The following NRG3 variants were observed in gnomAD, a reference collection of about 807,000 sequenced individuals.
NRG3 encodes neuregulin 3.
A neutral mutation model predicts 66.9 loss-of-function variants in NRG3; 31 were observed. The ratio of observed to expected loss-of-function variants is 0.46; its 90% confidence interval spans 0.35 to 0.63. The LOEUF (loss-of-function observed/expected upper bound fraction) is 0.63, where lower values mean the gene tolerates loss of function less well. Among genes scored for constraint, NRG3 ranks in the 20% least tolerant of loss-of-function variants. NRG3 has a pLI of 0.00. For synonymous variants in NRG3, 393 were observed against 359.4 expected (o/e 1.09, Z -1.06); for missense variants, 910 against 878.9 (o/e 1.04, Z -0.45).
intron 1 of NRG3, among the ~76,000 whole-genome samples, chr10:82,180,102 T>C (rs958006251): frequency 5.3e-5 from 8 of 151,950 alleles, no homozygotes; most frequent in African/African-American, 1.9e-4. Context: ...CTACAACTTT[T>C]GTTGAATTTA....
chr10:82,808,488 A>G (rs781188192), intron 3 of NRG3, among the ~76,000 whole-genome samples: 13 of 152,050 alleles, frequency 8.5e-5, no homozygotes, highest in Non-Finnish European at 1.6e-4. Context: ...TTTTTCTTTT[A>G]ATTTTGAGAT....
intron 2 of NRG3, among the ~76,000 whole-genome samples, chr10:82,498,690 C>G (rs990530610): frequency 6.6e-6 from 1 of 152,128 alleles, no homozygotes; most frequent in African/African-American, 2.4e-5. Context: ...GAGTCACTCC[C>G]AACCGTTGGC....
chr10:82,226,635 A>G (rs1277454570), intron 1 of NRG3, among the ~76,000 whole-genome samples: 1 of 152,136 alleles, frequency 6.6e-6, no homozygotes, highest in Non-Finnish European at 1.5e-5. Flanking sequence ...GGTTCTTAAC[A>G]CACTTCAGGC....
chr10:82,883,592 C>G (rs1842477898), intron 4 of NRG3, among the ~76,000 whole-genome samples: 1 of 152,102 alleles, frequency 6.6e-6, no homozygotes, highest in Non-Finnish European at 1.5e-5. Context: ...TATATTTGTT[C>G]TCTAATCTGC....
At chr10:82,495,949 T>A (rs1283980490) in intron 2 of NRG3, among the ~76,000 whole-genome samples, 1 of 152,138 alleles carries the variant, frequency 6.6e-6, no homozygotes, top group African/African-American at 2.4e-5. Flanking sequence ...TTTTGAAGGC[T>A]CCAGAGGACA....
intron 1 of NRG3, among the ~76,000 whole-genome samples, chr10:82,223,775 T>C (rs759074147): frequency 1.6e-4 from 24 of 152,022 alleles, no homozygotes; most frequent in Non-Finnish European, 3.4e-4. Context: ...CCTAATTTCT[T>C]GGTATTCTTT....
At chr10:82,977,931 A>G (rs538998136) in intron 7 of NRG3, among the ~76,000 whole-genome samples, 2 of 152,336 alleles carry the variant, frequency 1.3e-5, no homozygotes, top group East Asian at 3.9e-4. Context: ...TAGAACCTTG[A>G]TAAATTTATT....
chr10:82,921,922 G>A (rs1846455508), intron 4 of NRG3, among the ~76,000 whole-genome samples: 1 of 152,080 alleles, frequency 6.6e-6, no homozygotes, highest in African/African-American at 2.4e-5. Flanking sequence ...CTGGAAAGTA[G>A]CAACTGTTTT....
chr10:82,059,745 G>A (rs2064035979), intron 1 of NRG3, among the ~76,000 whole-genome samples: 1 of 152,118 alleles, frequency 6.6e-6, no homozygotes, highest in Non-Finnish European at 1.5e-5. Flanking sequence ...TGGATTCTTC[G>A]CTTTCCATAC....
intron 2 of NRG3, among the ~76,000 whole-genome samples, chr10:82,662,982 C>T (rs1450614624): frequency 1.3e-5 from 2 of 152,162 alleles, no homozygotes; most frequent in Non-Finnish European, 2.9e-5. Flanking sequence ...GTAAAAAGAG[C>T]CTTTCTTGAA....
chr10:82,558,405 T>A (rs2044792438), intron 2 of NRG3, among the ~76,000 whole-genome samples: 1 of 152,128 alleles, frequency 6.6e-6, no homozygotes, highest in South Asian at 2.1e-4. Flanking sequence ...CCCTAAGCCA[T>A]GACTCAGCTT....
chr10:81,938,775 G>A (rs1041897983), intron 1 of NRG3, among the ~76,000 whole-genome samples: 1 of 151,920 alleles, frequency 6.6e-6, no homozygotes, highest in Non-Finnish European at 1.5e-5. Flanking sequence ...AATTGCTCTG[G>A]TTAGGACTTC....
At chr10:82,234,152 G>A (rs1304848629) in intron 1 of NRG3, among the ~76,000 whole-genome samples, 1 of 152,048 alleles carries the variant, frequency 6.6e-6, no homozygotes, top group African/African-American at 2.4e-5. Context: ...TGCCTTCCTA[G>A]CATAACCTGT....
chr10:82,439,829 C>A (rs1259462226), intron 2 of NRG3, among the ~76,000 whole-genome samples: 1 of 151,720 alleles, frequency 6.6e-6, no homozygotes, highest in East Asian at 1.9e-4. Flanking sequence ...ATTTTATATC[C>A]ATGTATAAAA....
chr10:82,290,425 A>G (rs1466401604), intron 1 of NRG3, among the ~76,000 whole-genome samples: 1 of 152,176 alleles, frequency 6.6e-6, no homozygotes, highest in African/African-American at 2.4e-5. Flanking sequence ...ATATCTATTT[A>G]TACTGCGAAT....
At chr10:82,952,471 CTGTGTG>C (rs60100337) in intron 5 of NRG3, among the ~76,000 whole-genome samples, 9,421 of 98,642 alleles carry the variant, frequency 0.096, 607 homozygotes, top group Admixed American at 0.17. Context: ...CTCTCTCTCT[CTGTGTG>C]TGTGTGTGTG....
intron 2 of NRG3, among the ~76,000 whole-genome samples, chr10:82,541,392 C>G (rs1290350101): frequency 1.3e-5 from 2 of 152,072 alleles, no homozygotes; most frequent in African/African-American, 2.4e-5. Flanking sequence ...GGAGCATCGG[C>G]GGGCTCACGT....
At chr10:82,315,329 C>T (rs2081237214) in intron 1 of NRG3, among the ~76,000 whole-genome samples, 1 of 152,206 alleles carries the variant, frequency 6.6e-6, no homozygotes, top group Non-Finnish European at 1.5e-5. Context: ...GCTTATTGAA[C>T]AGCAGAGCTG....
chr10:82,256,676 G>A (rs1030763170), intron 1 of NRG3, among the ~76,000 whole-genome samples: 1 of 152,082 alleles, frequency 6.6e-6, no homozygotes, highest in Admixed American at 6.5e-5. Context: ...TTTTGAACTG[G>A]GGAATATTGA....
Sources: allele counts gnomAD v4.1 joint callset (sites outside exome capture counted in the v4.1 genomes callset), GRCh38; gene constraint gnomAD v4.1.1; transcripts MANE v1.5; gene names NCBI Gene and HGNC (gene_info 2026-07-23, HGNC 2026-07-21).